The following DHCR7 variants were observed in gnomAD, a reference collection of about 807,000 sequenced individuals.
DHCR7 encodes the protein 7-DHC reductase.
DHCR7 carries 40 observed loss-of-function variants against 43.3 expected under a neutral mutation model. The observed-to-expected ratio is 0.92, with a 90% CI of 0.72 to 1.20. DHCR7 has a LOEUF of 1.20. Among genes scored for constraint, DHCR7 ranks in the 50% most tolerant of loss-of-function variants. The probability of loss-of-function intolerance (pLI) is 0.00; values close to 1 mark genes in which losing one functional copy is unlikely to be tolerated. For synonymous variants in DHCR7, 298 were observed against 271.4 expected, an observed-to-expected ratio of 1.10 and a Z score of -0.96; for missense variants, 608 against 644.6, an observed-to-expected ratio of 0.94 and a Z score of 0.62.
At chr11:71,442,470 C>A in intron 4 of DHCR7, 117 bp from the exon 5 acceptor site, 1 of 775,734 alleles carries the variant, frequency 1.3e-6, no homozygotes. Context: ...GCACTTATGG[C>A]TCCTGGAAGC....
intron 4 of DHCR7, among the ~76,000 whole-genome samples, chr11:71,443,689 C>G (rs1949372070): frequency 6.6e-6 from 1 of 152,202 alleles, no homozygotes; most frequent in African/African-American, 2.4e-5. Flanking sequence ...CTCAGGACAG[C>G]ACTGCCCTCC....
chr11:71,430,416 G>A (rs1349767787), downstream of DHCR7, among the ~76,000 whole-genome samples: 1 of 152,250 alleles, frequency 6.6e-6, no homozygotes, highest in East Asian at 1.9e-4. Flanking sequence ...GACTAGGCGT[G>A]TTGCAGCACC....
intron 8 of DHCR7, among the ~76,000 whole-genome samples, chr11:71,437,303 G>A (rs1459685327): frequency 6.6e-6 from 1 of 152,192 alleles, no homozygotes; most frequent in Non-Finnish European, 1.5e-5. Flanking sequence ...GTCCCCAGGG[G>A]GCTCGTTGCT....
intron 2 of DHCR7, among the ~76,000 whole-genome samples, chr11:71,429,115 G>A (rs1468186932): frequency 6.6e-6 from 1 of 152,212 alleles, no homozygotes; most frequent in Non-Finnish European, 1.5e-5. Flanking sequence ...GGCGGCCGAT[G>A]TCTTGATGAT....
At chr11:71,432,348 C>T (rs1234934457), downstream of DHCR7, among the ~76,000 whole-genome samples, 1 of 152,200 alleles carries the variant, frequency 6.6e-6, no homozygotes, top group Non-Finnish European at 1.5e-5. Context: ...GTGATGTTAA[C>T]TTTCCTCCCT....
At chr11:71,446,365 A>T (rs571010880) in intron 2 of DHCR7, among the ~76,000 whole-genome samples, 2 of 152,264 alleles carry the variant, frequency 1.3e-5, no homozygotes, top group African/African-American at 4.8e-5. Flanking sequence ...ATAGGACCTT[A>T]CTTGGCTCAA....
chr11:71,438,075 G>T, intron 7 of DHCR7, 132 bp from the exon 8 acceptor site: 1 of 1,083,682 alleles, frequency 9.2e-7, no homozygotes. Flanking sequence ...CAATGCTGGG[G>T]CTGTTCCTTC....
Position 71,435,846 on chromosome 11 carries a change from G to A in DHCR7, c.964-7C>T. 6.3e-7 allele frequency: 1 copy of A among 1,597,726 alleles called. No individual in the cohort carries two copies. The highest frequency in any genetic ancestry group is 1.7e-4 in the Middle Eastern group (1 of 6,042). On this transcript the variant is annotated splice_polypyrimidine_tract_variant and splice_region_variant and intron_variant, in intron 8 of 8. Transcript: ENST00000355527. ...GGTACACCAAGTACAGACCCTGGGG[G>A]GCGAGGGGGAAGGGGTCAAGCGGTG...
intron 8 of DHCR7, among the ~76,000 whole-genome samples, chr11:71,437,253 A>G (rs996821203): frequency 6.6e-6 from 1 of 152,104 alleles, no homozygotes; most frequent in African/African-American, 2.4e-5. Flanking sequence ...AGGCCACCCC[A>G]CCGTTCTGCT....
At chr11:71,438,807 A>G in intron 7 of DHCR7, 72 bp downstream of exon 7, 1 of 1,479,022 alleles carries the variant, frequency 6.8e-7, no homozygotes, top group Non-Finnish European at 9.4e-7. Flanking sequence ...TCATGGGAAT[A>G]CGCTCTGGCT....
rs373452254 is a variant in DHCR7 at position 71,442,306 on chromosome 11, G to A, written c.369C>T (p.Pro123=). 5.4e-5 allele frequency: 87 copies of A among 1,613,766 alleles called. No individual in the cohort carries two copies. The South Asian group carries it at 5.8e-4, about 11-fold the overall frequency. ...SLPDFCHKFL[P]GYVGGIQEGA... is the part of the protein sequence containing the mutation. The stretch of plus-strand genomic sequence containing the variant: ...CCTCCTGGATGCCTCCTACGTAGCC[G>A]GGTAGAAACTTATGGCAGAAGTCAG... Residue 123 remains proline (P), a synonymous_variant, in exon 5 of 9, where the codon CCC becomes CCT. Transcript: ENST00000355527.
intron 2 of DHCR7, among the ~76,000 whole-genome samples, chr11:71,445,476 A>G (rs1949395479): frequency 1.3e-5 from 2 of 152,302 alleles, no homozygotes; most frequent in South Asian, 4.1e-4. Context: ...CTTCCCTGCC[A>G]AGGCCCTCCA....
rs780906420 is a variant in DHCR7 at position 71,444,968 on chromosome 11, A to G, written c.-6-10T>C. On this transcript the variant is annotated splice_polypyrimidine_tract_variant and intron_variant, in intron 2 of 8. Transcript: ENST00000355527. ...TTGCAGCCATTGGGCCCTGCAAGAA[A>G]GAGAACCTTGCTTACATTATCCCTC... 3 of 1,610,526 alleles carry G rather than the reference A, an allele frequency of 1.9e-6. No individual in the cohort carries two copies. Among genetic ancestry groups the G allele is most frequent in the Non-Finnish European group, 8.5e-7 (1 of 1,176,792 alleles).
At chr11:71,444,640 T>C (rs570187607) in intron 3 of DHCR7, among the ~76,000 whole-genome samples, 1 of 152,350 alleles carries the variant, frequency 6.6e-6, no homozygotes, top group African/African-American at 2.4e-5. Context: ...TTATCTTTTT[T>C]TCTAAGTTGT....
At chr11:71,445,990 A>G (rs1458069543) in intron 2 of DHCR7, among the ~76,000 whole-genome samples, 3 of 152,140 alleles carry the variant, frequency 2.0e-5, no homozygotes, top group African/African-American at 7.2e-5. Flanking sequence ...AAGGACAACA[A>G]CATAGGATCC....
intron 6 of DHCR7, among the ~76,000 whole-genome samples, chr11:71,440,276 T>C (rs1235181921): frequency 6.6e-6 from 1 of 152,004 alleles, no homozygotes; most frequent in Non-Finnish European, 1.5e-5. Context: ...ATGCATTCCT[T>C]CCCCTCGGCA....
In DHCR7 at chr11:71,441,437, AC is replaced by A; in HGVS notation, c.415del (p.Val139LeufsTer2). On this transcript the variant is annotated frameshift_variant and splice_region_variant, in exon 6 of 9. Coordinates refer to ENST00000355527, the MANE Select transcript of DHCR7 (RefSeq NM_001360.3). LOFTEE classifies it high-confidence loss of function. ...IQEGAVTPAG[V>X]VNKYQINGLQ... ...GCCATTGATCTGATACTTGTTCACAACCCCTGCAGATGAAGGATTCAGAAAT... is the reference window on the plus strand; with the variant it reads ...GCCATTGATCTGATACTTGTTCACAACCCTGCAGATGAAGGATTCAGAAAT... 6.2e-7 allele frequency: 1 copy of A among 1,611,120 alleles called. No homozygotes were observed. The highest frequency in any genetic ancestry group is 8.5e-7 in the Non-Finnish European group (1 of 1,178,272).
At position 71,444,907 on chromosome 11, in the gene DHCR7, C is replaced by G. The variant is rs1286169625; in HGVS notation, c.46G>C (p.Asp16His). 1.2e-6 allele frequency: 2 copies of G among 1,614,092 alleles called. No homozygotes were observed. The highest frequency in any genetic ancestry group is 1.7e-6 in the Non-Finnish European group (2 of 1,180,042). ...QPNIPKAKSL[D>H]GVTNDRTASQ... ...GCGGTTCTGTCATTGGTGACGCCAT[C>G]TAGACTCTTGGCTTTGGGAATGTTG... is the stretch of plus-strand genomic sequence containing the variant. Residue 16 changes from aspartate to histidine, a missense_variant, in exon 3 of 9, where the codon GAT becomes CAT. Coordinates refer to ENST00000355527, the MANE Select transcript of DHCR7 (RefSeq NM_001360.3).
intron 5 of DHCR7, among the ~76,000 whole-genome samples, chr11:71,441,923 G>A (rs1949352327): frequency 6.6e-6 from 1 of 152,168 alleles, no homozygotes; most frequent in Admixed American, 6.5e-5. Context: ...GGCAAGGAAT[G>A]AACAGACAAG....
Sources: allele counts gnomAD v4.1 joint callset (sites outside exome capture counted in the v4.1 genomes callset), GRCh38; gene constraint gnomAD v4.1.1; transcripts MANE v1.5; gene names NCBI Gene and HGNC (gene_info 2026-07-23, HGNC 2026-07-21).